GBX1: variants seen among roughly 807,000 people sequenced by gnomAD.
The protein encoded by GBX1 is gastrulation brain homeobox 1.
GBX1 carries 9 observed loss-of-function variants against 22.9 expected under a neutral mutation model. That is an observed-to-expected ratio of 0.39 (90% CI 0.24 to 0.69). The LOEUF is 0.69. Ranked by LOEUF, GBX1 falls within the 30% of genes least tolerant of loss-of-function variation. GBX1 has a pLI of 0.43. For synonymous variants in GBX1, 203 were observed against 227.3 expected, an observed-to-expected ratio of 0.89 and a Z score of 0.96; for missense variants, 494 against 509.2, an observed-to-expected ratio of 0.97 and a Z score of 0.29.
intron 1 of GBX1, among the ~76,000 whole-genome samples, chr7:151,159,294 C>G (rs964338278): frequency 1.3e-5 from 2 of 152,058 alleles, no homozygotes; most frequent in African/African-American, 2.4e-5. Context: ...CCATGTTGCC[C>G]AGGCTGGTCT....
rs1024718059 is a variant in GBX1, at chr7:151,167,626, C to T, written c.-78G>A. 3.3e-6 allele frequency: 4 copies of T among 1,210,080 alleles called. No individual in the cohort carries two copies. Among genetic ancestry groups the T allele is most frequent in the Non-Finnish European group, 4.1e-6 (4 of 977,700 alleles). The allele number at this position is 1,210,080 out of a possible 1,614,324, so 75.0% of individuals were successfully genotyped here. A position where few individuals can be genotyped will look rare whatever the true frequency, so the allele number is the denominator to read the frequency against. The stretch of plus-strand genomic sequence containing the variant: ...CGCCCCGCGGCTCGGGCGCCCCGCG[C>T]GGACACGCAGGGCTCGCTCCCTGGC... On this transcript the variant is annotated 5_prime_UTR_variant, in exon 1 of 2. Transcript: ENST00000297537. This position sits in a 1 kb window ranked among gnomAD's most constrained non-coding sequence, Gnocchi z 5.9.
chr7:151,149,019 C>T lies in GBX1; in HGVS notation c.662G>A (p.Ser221Asn). Reference sequence around the variant, plus strand: ...AAGAGCCCCTGGGCCCCCTGCAGAACTGTCCAGGAAACCGTCATCCTCGCT... The same window carrying T: ...AAGAGCCCCTGGGCCCCCTGCAGAATTGTCCAGGAAACCGTCATCCTCGCT... The part of the protein sequence containing the change: ...GDSEDDGFLD[S>N]SAGGPGALLG... The change falls in exon 2 of 2, where the codon AGT (serine) becomes AAT (asparagine). Residue 221 changes from serine to asparagine, a missense_variant. Transcript: ENST00000297537. 6.2e-7 allele frequency: 1 copy of T among 1,614,032 alleles called. No individual in the cohort carries two copies. The highest frequency in any genetic ancestry group is 1.3e-5 in the African/African-American group (1 of 75,026).
At chr7:151,165,932 G>T (rs960341975) in intron 1 of GBX1, among the ~76,000 whole-genome samples, 1 of 152,172 alleles carries the variant, frequency 6.6e-6, no homozygotes, top group African/African-American at 2.4e-5. Context: ...GCCTACTGGG[G>T]TCATTTCCAC....
intron 1 of GBX1, among the ~76,000 whole-genome samples, chr7:151,156,220 C>A (rs1016252115): frequency 6.6e-6 from 1 of 151,408 alleles, no homozygotes; most frequent in Non-Finnish European, 1.5e-5. Flanking sequence ...CCTGTCTCTA[C>A]TAAAAATACA....
At position 151,167,168 on chromosome 7, in the gene GBX1, G is replaced by C. The variant is rs747616162; in HGVS notation, c.381C>G (p.Ala127=). 4 of 1,581,888 alleles carry C rather than the reference G, an allele frequency of 2.5e-6. No homozygotes were observed. Among genetic ancestry groups the C allele is most frequent in the South Asian group, 2.3e-5 (2 of 87,926 alleles). The change falls in exon 1 of 2, where the codon GCC becomes GCG. Residue 127 remains alanine (A), a synonymous_variant. Coordinates refer to ENST00000297537, the MANE Select transcript of GBX1 (RefSeq NM_001098834.3). This position sits in a 1 kb window ranked among gnomAD's most constrained non-coding sequence, Gnocchi z 5.9. The part of the protein sequence containing the change: ...GPQELAAAAA[A]AAATAARNNP... ...TGTTTCGGGCGGCAGTGGCGGCGGC[G>C]GCGGCAGCGGCGGCGGCGAGCTCCT...
chr7:151,152,616 CAGTT>C (rs1801092695), intron 1 of GBX1, among the ~76,000 whole-genome samples: 1 of 152,192 alleles, frequency 6.6e-6, no homozygotes, highest in Admixed American at 6.5e-5. Flanking sequence ...AGGATAAAAT[CAGTT>C]AGTACAACTC....
chr7:151,164,988 A>AAC (rs373616161), intron 1 of GBX1, among the ~76,000 whole-genome samples: 10 of 150,572 alleles, frequency 6.6e-5, no homozygotes, highest in African/African-American at 9.7e-5. Flanking sequence ...CACACACACA[A>AAC]ACACACACAC....
intron 1 of GBX1, among the ~76,000 whole-genome samples, chr7:151,158,369 G>A (rs1801158106): frequency 6.6e-6 from 1 of 152,082 alleles, no homozygotes; most frequent in South Asian, 2.1e-4. Context: ...TTAATCCAGT[G>A]GCTTTGATTT....
At position 151,166,474 on chromosome 7, in the gene GBX1, A is replaced by ACCCCC. The variant is rs376110409; in HGVS notation, c.538+532_538+536dup. Among the ~76,000 whole-genome samples, 3 of 70,624 alleles carry ACCCCC rather than the reference A, an allele frequency of 4.2e-5. 1 individual carries two copies. 46.3% of individuals were successfully genotyped at this position (70,624 alleles called of 152,430 possible). A position where few individuals can be genotyped will look rare whatever the true frequency, so the allele number is the denominator to read the frequency against. On this transcript the variant is annotated intron_variant, in intron 1 of 1. Transcript: ENST00000297537. ...TCAGAAGTCACGGCTTTGAGACGCA[A>ACCCCC]CCCCCCCCCCCCAACACACACACAC...
chr7:151,159,139 T>C lies in GBX1; in HGVS notation c.538+7872A>G, dbSNP rs57978000. On this transcript the variant is annotated intron_variant, in intron 1 of 1. Transcript: ENST00000297537. ...TCACTCCGTTACCCAGGCTGGAGTG[T>C]AGTGGCATGATCTTGGCTCAGTGCA... Among the ~76,000 whole-genome samples, 1,904 of 151,322 alleles carry C rather than the reference T, an allele frequency of 0.013. 159 individuals carry two copies. The East Asian group carries it at 0.24, about 19-fold the overall frequency.
Position 151,148,065 on chromosome 7 carries a change from CAGT to C in GBX1, c.*521_*523del, listed in dbSNP as rs1801033969. Among the ~76,000 whole-genome samples, 1 of 152,176 alleles carries C rather than the reference CAGT, an allele frequency of 6.6e-6. No individual in the cohort carries two copies. Among genetic ancestry groups the C allele is most frequent in the Admixed American group, 6.5e-5 (1 of 15,284 alleles). ...AGGCAAGATGGGGCCTACCCCAAAG[CAGT>C]AGGACAGACGAACTCTGGCTGAGGA... On this transcript the variant is annotated 3_prime_UTR_variant, in exon 2 of 2. Coordinates refer to ENST00000297537, the MANE Select transcript of GBX1 (RefSeq NM_001098834.3). The surrounding 1 kb of genome is among the most constrained non-coding windows in gnomAD (Gnocchi z 5.1).
Position 151,167,182 on chromosome 7 carries a change from C to A in GBX1, c.367G>T (p.Ala123Ser). ...DAFYGPQELA[A>S]AAAAAAATAA... is the part of the protein sequence containing the mutation. ...GTGGCGGCGGCGGCGGCAGCGGCGG[C>A]GGCGAGCTCCTGGGGCCCGTAGAAA... is the stretch of plus-strand genomic sequence containing the variant. The change falls in exon 1 of 2, where the codon GCC (alanine) becomes TCC (serine). Residue 123 changes from alanine (A) to serine (S), a missense_variant. By Grantham distance (99) the Ala-to-Ser change is moderately conservative (BLOSUM62 1). Around this residue, in one of 3 missense-constraint regions of GBX1, gnomAD observed 365 missense variants for 340.4 expected, o/e 1.07. Coordinates refer to ENST00000297537, the MANE Select transcript of GBX1 (RefSeq NM_001098834.3). The surrounding 1 kb of genome is among the most constrained non-coding windows in gnomAD (Gnocchi z 5.9). 6.3e-7 allele frequency: 1 copy of A among 1,575,234 alleles called. No individual in the cohort carries two copies. The highest frequency in any genetic ancestry group is 8.6e-7 in the Non-Finnish European group (1 of 1,163,412).
chr7:151,150,591 G>T (rs1399042356), intron 1 of GBX1, among the ~76,000 whole-genome samples: 2 of 152,124 alleles, frequency 1.3e-5, no homozygotes, highest in Non-Finnish European at 2.9e-5. Flanking sequence ...ACATCTCCTG[G>T]CAGTCAGAGC....
intron 1 of GBX1, among the ~76,000 whole-genome samples, chr7:151,157,570 C>T (rs754327854): frequency 1.3e-5 from 2 of 152,176 alleles, no homozygotes; most frequent in African/African-American, 2.4e-5. Context: ...CTTCCTAATA[C>T]TGAAAGGGAG....
At chr7:151,164,432 C>A (rs985605031) in intron 1 of GBX1, among the ~76,000 whole-genome samples, 3 of 152,162 alleles carry the variant, frequency 2.0e-5, no homozygotes, top group Admixed American at 1.3e-4. Flanking sequence ...ATTGCATTTT[C>A]TTTTCTCAAT....
intron 1 of GBX1, among the ~76,000 whole-genome samples, chr7:151,150,384 T>C (rs1801063863): frequency 6.6e-6 from 1 of 152,160 alleles, no homozygotes; most frequent in South Asian, 2.1e-4. Flanking sequence ...TCAGCTCCTT[T>C]CCAGAAGTGT....
At chr7:151,162,024 CTAAG>C (rs1801192658) in intron 1 of GBX1, among the ~76,000 whole-genome samples, 1 of 152,198 alleles carries the variant, frequency 6.6e-6, no homozygotes, top group Non-Finnish European at 1.5e-5. Context: ...CTGAATTGAA[CTAAG>C]TGACTTGTCA....
chr7:151,149,179 A>C, intron 1 of GBX1, 37 bp from the exon 2 acceptor site: 1 of 1,562,888 alleles, frequency 6.4e-7, no homozygotes, highest in Non-Finnish European at 8.6e-7. Flanking sequence ...GGGGAGGGAG[A>C]AGCAAGAAAA....
intron 1 of GBX1, among the ~76,000 whole-genome samples, chr7:151,160,013 T>G (rs929337057): frequency 1.3e-5 from 2 of 152,120 alleles, no homozygotes; most frequent in African/African-American, 2.4e-5. Flanking sequence ...TACCTCCTCC[T>G]CCTCCATGAC....
Sources: allele counts gnomAD v4.1 joint callset (sites outside exome capture counted in the v4.1 genomes callset), GRCh38; gene constraint gnomAD v4.1.1; regional missense constraint gnomAD v4.1.1; non-coding constraint Gnocchi (gnomAD v3.1); transcripts MANE v1.5; gene names NCBI Gene and HGNC (gene_info 2026-07-23, HGNC 2026-07-21).